The following PIK3C2G variants were observed in gnomAD, a reference collection of about 807,000 sequenced individuals.
PIK3C2G encodes phosphatidylinositol 3-kinase C2 domain-containing subunit gamma.
A neutral mutation model predicts 181.1 loss-of-function variants in PIK3C2G; 168 were observed. That is an observed-to-expected ratio of 0.93 (90% confidence interval 0.82 to 1.05). PIK3C2G has a LOEUF of 1.05. PIK3C2G is among the 50% of genes least tolerant of loss of function. The pLI, the probability that PIK3C2G is intolerant of heterozygous loss-of-function variation, is 0.00. For missense variants in PIK3C2G, 1,869 were observed against 1,732.8 expected (o/e 1.08, Z -1.40); for synonymous variants, 573 against 592.2 (o/e 0.97, Z 0.47).
intron 18 of PIK3C2G, among the ~76,000 whole-genome samples, chr12:18,486,081 C>A (rs1299582851): frequency 1.3e-5 from 2 of 152,086 alleles, no homozygotes; most frequent in Non-Finnish European, 2.9e-5. Context: ...CCTGAAAATA[C>A]AGGAATAGAA....
intron 20 of PIK3C2G, among the ~76,000 whole-genome samples, chr12:18,492,454 G>A (rs1375653676): frequency 6.6e-6 from 1 of 152,118 alleles, no homozygotes; most frequent in Non-Finnish European, 1.5e-5. Context: ...TTTTTGATAT[G>A]CTTCATAAAT....
rs1565551200 is a variant in PIK3C2G at position 18,282,482 on chromosome 12, A to T, written c.401A>T (p.His134Leu). ...TGGGGAAGCCCCATAGGAAAACATCATGGTGCTGATGATTCCAGATTCAGT... is the reference window on the plus strand; with the variant it reads ...TGGGGAAGCCCCATAGGAAAACATCTTGGTGCTGATGATTCCAGATTCAGT... Reference protein sequence around the residue: ...CSWGSPIGKHHGADDSRFSIL... With the variant: ...CSWGSPIGKHLGADDSRFSIL... Residue 134 changes from histidine (H) to leucine (L), a missense_variant, in exon 2 of 33, where the codon CAT (histidine) becomes CTT (leucine). Physicochemically the swap from His to Leu is moderately conservative, Grantham distance 99 (BLOSUM62 -3). Transcript: ENST00000538779. 6.2e-7 allele frequency: 1 copy of T among 1,613,024 alleles called. No individual in the cohort carries two copies. The highest frequency in any genetic ancestry group is 1.3e-5 in the African/African-American group (1 of 75,022).
Position 18,325,093 on chromosome 12 carries a change from A to C in PIK3C2G, c.1267A>C (p.Thr423Pro). The change falls in exon 8 of 33, where the codon ACC (threonine) becomes CCC (proline). Residue 423 changes from threonine to proline, a missense_variant. By Grantham distance (38) the Thr-to-Pro change is conservative (BLOSUM62 -1). Coordinates refer to ENST00000538779, the MANE Select transcript of PIK3C2G (RefSeq NM_001288772.2). ...YDFHLKYLLK[T>P]QENVYNIIEE... ...CTTCCACCTGAAATACCTATTGAAAACCCAGGTATTGACTTTTGTTACTTT... is the reference window on the plus strand; with the variant it reads ...CTTCCACCTGAAATACCTATTGAAACCCCAGGTATTGACTTTTGTTACTTT... 1.3e-6 allele frequency: 2 copies of C among 1,538,644 alleles called. No individual in the cohort carries two copies. The highest frequency in any genetic ancestry group is 1.4e-5 in the African/African-American group (1 of 73,430).
At chr12:18,371,446 G>T (rs186246799) in intron 13 of PIK3C2G, 135 bp downstream of exon 13, 33 of 696,932 alleles carry the variant, frequency 4.7e-5, no homozygotes, top group Non-Finnish European at 6.3e-5. Flanking sequence ...AATATAAATC[G>T]TGACTGCTGA....
intron 5 of PIK3C2G, among the ~76,000 whole-genome samples, chr12:18,304,222 A>T (rs187124328): frequency 9.2e-5 from 14 of 152,296 alleles, no homozygotes; most frequent in Admixed American, 2.6e-4. Flanking sequence ...TATATTTTAA[A>T]AAAGTTCTAA....
chr12:18,458,190 C>G (rs1947730500), intron 18 of PIK3C2G, among the ~76,000 whole-genome samples: 1 of 152,070 alleles, frequency 6.6e-6, no homozygotes, highest in Non-Finnish European at 1.5e-5. Flanking sequence ...GTTAGGTCTT[C>G]CAATTGCTTT....
At position 18,292,227 on chromosome 12, in the gene PIK3C2G, A is replaced by AAAAAAAAAAT; in HGVS notation, c.919+1216_919+1217insAAAAAAAATA. Among the ~76,000 whole-genome samples the AAAAAAAAAAT allele has an allele frequency of 7.0e-3, 342 of 48,622 alleles. 13 individuals carry two copies. The highest frequency in any genetic ancestry group is 0.038 in the Middle Eastern group (3 of 78). 31.9% of individuals were successfully genotyped at this position (48,622 alleles called of 152,430 possible). On this transcript the variant is annotated intron_variant, in intron 4 of 32. Coordinates refer to ENST00000538779, the MANE Select transcript of PIK3C2G (RefSeq NM_001288772.2). ...CTCCATCTCAAAAAAAAAAAAAAAA[A>AAAAAAAAAAT]ATATATATATATATATATATATATA...
chr12:18,503,381 C>T lies in PIK3C2G; in HGVS notation c.3117C>T (p.Phe1039=). 6.2e-7 allele frequency: 1 copy of T among 1,610,512 alleles called. No individual in the cohort carries two copies. Among genetic ancestry groups the T allele is most frequent in the Admixed American group, 1.7e-5 (1 of 59,654 alleles). Residue 1039 remains phenylalanine (F), a synonymous_variant, in exon 23 of 33, where the codon TTC becomes TTT. Transcript: ENST00000538779. The part of the protein sequence containing the change: ...PLKENTIKKW[F]SQHNHLKADY... ...AAGAAAATACAATTAAAAAGTGGTTCAGTCAGCACAACCACTTAAAGGCAG... is the reference window on the plus strand; with the variant it reads ...AAGAAAATACAATTAAAAAGTGGTTTAGTCAGCACAACCACTTAAAGGCAG...
the PIK3C2G span, among the ~76,000 whole-genome samples, chr12:18,684,555 A>G: frequency 6.6e-6 from 1 of 152,038 alleles, no homozygotes; most frequent in Non-Finnish European, 1.5e-5. Context: ...AGCCACAAAG[A>G]TGTTACATAA....
At chr12:18,338,698 TGTG>T in intron 9 of PIK3C2G, 150 bp downstream of exon 9, 1 of 608,002 alleles carries the variant, frequency 1.6e-6, no homozygotes, top group East Asian at 2.8e-5. Flanking sequence ...TGTGTGTGTG[TGTG>T]TGTGTGTGCA....
chr12:18,573,930 G>T (rs1946103228), intron 29 of PIK3C2G, among the ~76,000 whole-genome samples: 1 of 152,162 alleles, frequency 6.6e-6, no homozygotes, highest in Admixed American at 6.5e-5. Context: ...GAAAATTGAA[G>T]GGAAATGCTA....
intron 13 of PIK3C2G, among the ~76,000 whole-genome samples, chr12:18,377,159 A>G (rs962684600): frequency 6.6e-6 from 1 of 152,268 alleles, no homozygotes; most frequent in South Asian, 2.1e-4. Context: ...TGGCTCCAGG[A>G]TGCCAGCAAT....
intron 24 of PIK3C2G, among the ~76,000 whole-genome samples, chr12:18,521,454 G>A (rs1441058864): frequency 6.6e-6 from 1 of 152,236 alleles, no homozygotes; most frequent in Non-Finnish European, 1.5e-5. Flanking sequence ...GGCTGGAGTT[G>A]TTGGAGTTCC....
intron 16 of PIK3C2G, among the ~76,000 whole-genome samples, chr12:18,418,906 A>G (rs1945323588): frequency 6.6e-6 from 1 of 152,162 alleles, no homozygotes; most frequent in Non-Finnish European, 1.5e-5. Flanking sequence ...CTTGGAGTTC[A>G]TGGATGAATA....
At chr12:18,558,940 C>G (rs1182504022) in intron 26 of PIK3C2G, among the ~76,000 whole-genome samples, 1 of 152,160 alleles carries the variant, frequency 6.6e-6, no homozygotes, top group African/African-American at 2.4e-5. Context: ...CTCTTCTGTT[C>G]ATTGCTAAAT....
At chr12:18,678,527 A>G in the PIK3C2G span, among the ~76,000 whole-genome samples, 8 of 152,106 alleles carry the variant, frequency 5.3e-5, no homozygotes, top group African/African-American at 1.9e-4. Context: ...CCCTAACGCC[A>G]TTCACTGATT....
chr12:18,315,532 A>G (rs990736906), intron 6 of PIK3C2G, among the ~76,000 whole-genome samples: 1 of 152,192 alleles, frequency 6.6e-6, no homozygotes, highest in African/African-American at 2.4e-5. Flanking sequence ...TTTCAGACTC[A>G]TGTAAATTAA....
At chr12:18,269,912 C>CTTTTTTTTT (rs367550750) in intron 1 of PIK3C2G, among the ~76,000 whole-genome samples, 4 of 136,926 alleles carry the variant, frequency 2.9e-5, no homozygotes, top group Non-Finnish European at 6.2e-5. Flanking sequence ...TTTTTCTTTT[C>CTTTTTTTTT]TTTTTTTTTT....
Position 18,565,211 on chromosome 12 carries a change from T to C in PIK3C2G, c.3902+1713T>C, listed in dbSNP as rs188905346. 1.5e-3 allele frequency among the ~76,000 whole-genome samples: 229 copies of C among 152,276 alleles called. 1 individual carries two copies. Among genetic ancestry groups the C allele is most frequent in the African/African-American group, 5.3e-3 (221 of 41,556 alleles). Reference sequence around the variant, plus strand: ...ACTGAGAGAAGCCCTACGAGAGTTATGTAAATGTCATCTGGAAGGCATGAT... The same window carrying C: ...ACTGAGAGAAGCCCTACGAGAGTTACGTAAATGTCATCTGGAAGGCATGAT... On this transcript the variant is annotated intron_variant, in intron 28 of 32. Transcript: ENST00000538779.
Sources: gnomAD v4.1 joint callset for allele counts (sites outside exome capture counted in the v4.1 genomes callset) on GRCh38, gnomAD v4.1.1 for gene constraint, MANE v1.5 for transcripts, NCBI Gene and HGNC (gene_info 2026-07-23, HGNC 2026-07-21) for gene names.